COL6A5: variants seen among roughly 807,000 people sequenced by gnomAD.
The protein encoded by COL6A5 is collagen type VI alpha 5 chain.
In COL6A5, 48 loss-of-function variants were observed where a neutral mutation model predicts 65.6. That is an observed-to-expected ratio of 0.73 (90% CI 0.58 to 0.93). COL6A5 has a LOEUF of 0.93. Ranked by LOEUF, COL6A5 falls within the 40% of genes least tolerant of loss-of-function variation. The probability of loss-of-function intolerance (pLI) is 0.00; values close to 1 mark genes in which losing one functional copy is unlikely to be tolerated. For synonymous variants in COL6A5, 291 were observed against 322.8 expected (o/e 0.90, Z 1.05); for missense variants, 914 against 928.3 (o/e 0.98, Z 0.20).
intron 1 of COL6A5, among the ~76,000 whole-genome samples, chr3:130,349,831 T>C (rs771433971): frequency 6.6e-6 from 1 of 152,344 alleles, no homozygotes; most frequent in South Asian, 2.1e-4. Flanking sequence ...ATATTCCTTA[T>C]GTAAAATAAG....
chr3:130,432,274 G>T (rs1020688594), intron 1 of COL6A5, among the ~76,000 whole-genome samples: 1 of 152,154 alleles, frequency 6.6e-6, no homozygotes, highest in Admixed American at 6.5e-5. Flanking sequence ...GGAAACTGGG[G>T]CTGGGCGCGG....
At chr3:130,408,266 G>C (rs897364454) in intron 17 of COL6A5, among the ~76,000 whole-genome samples, 1 of 150,102 alleles carries the variant, frequency 6.7e-6, no homozygotes, top group African/African-American at 2.5e-5. Flanking sequence ...TGCATTCCCG[G>C]TGTGGGGGTG....
At chr3:130,454,350 A>G (rs73871011) in intron 4 of COL6A5, among the ~76,000 whole-genome samples, 1 of 152,174 alleles carries the variant, frequency 6.6e-6, no homozygotes, top group Non-Finnish European at 1.5e-5. Flanking sequence ...TCTCCACCAC[A>G]TATCTTCACC....
intron 5 of COL6A5, among the ~76,000 whole-genome samples, chr3:130,461,517 A>C (rs1243428035): frequency 6.6e-6 from 1 of 152,118 alleles, no homozygotes; most frequent in East Asian, 1.9e-4. Context: ...AACCTCACAC[A>C]AATTCATGTA....
intron 7 of COL6A5, 92 bp downstream of exon 40, chr3:130,472,018 G>A (rs150691970): frequency 4.1e-6 from 5 of 1,209,122 alleles, no homozygotes; most frequent in Non-Finnish European, 5.7e-6. Flanking sequence ...TTCACTGGGA[G>A]AGGTAGAGAT....
At chr3:130,378,831 G>A (rs1935879748) in intron 3 of COL6A5, among the ~76,000 whole-genome samples, 1 of 152,162 alleles carries the variant, frequency 6.6e-6, no homozygotes, top group African/African-American at 2.4e-5. Context: ...CTTAACCACA[G>A]TGTAGTCACT....
At chr3:130,388,518 T>C in intron 5 of COL6A5, 62 bp from the exon 6 acceptor site, 1 of 1,303,216 alleles carries the variant, frequency 7.7e-7, no homozygotes, top group East Asian at 2.5e-5. Flanking sequence ...TCTGCCTTAA[T>C]GTTACTTCAT....
chr3:130,471,072 T>TTTTG, intron 7 of COL6A5, 105 bp downstream of exon 39: 1 of 768,788 alleles, frequency 1.3e-6, no homozygotes, highest in Non-Finnish European at 2.2e-6. Context: ...AAGTGTGTGT[T>TTTTG]TTTGTGTGTG....
chr3:130,453,372 C>G, intron 4 of COL6A5, among the ~76,000 whole-genome samples: 1 of 152,132 alleles, frequency 6.6e-6, no homozygotes, highest in Non-Finnish European at 1.5e-5. Context: ...TTCAGCGGGT[C>G]CCTCCGTTTG....
intron 4 of COL6A5, among the ~76,000 whole-genome samples, chr3:130,383,370 T>C (rs942810035): frequency 1.1e-4 from 16 of 152,144 alleles, no homozygotes; most frequent in African/African-American, 3.9e-4. Context: ...TAGGCAGGGA[T>C]GAATGGGCAT....
chr3:130,421,448 G>A, intron 27 of COL6A5, 88 bp downstream of exon 27: 2 of 1,238,728 alleles, frequency 1.6e-6, no homozygotes, highest in Non-Finnish European at 2.3e-6. Context: ...AATGAAATGG[G>A]GACAATAAGG....
intron 25 of COL6A5, among the ~76,000 whole-genome samples, chr3:130,419,492 C>T (rs143514526): frequency 2.8e-4 from 43 of 151,874 alleles, no homozygotes; most frequent in African/African-American, 1.0e-3. Context: ...TCACAATAGC[C>T]AAGAAAATAT....
In COL6A5 at chr3:130,406,341, T is replaced by A. The variant is rs745486214; in HGVS notation, c.4479+20T>A. 9 of 1,533,402 alleles carry A rather than the reference T, an allele frequency of 5.9e-6. No individual in the cohort carries two copies. The highest frequency in any genetic ancestry group is 8.0e-6 in the Non-Finnish European group (9 of 1,130,852). The allele number at this position is 1,533,402 out of a possible 1,614,324, so 95.0% of individuals were successfully genotyped here. ...TCTCAGGTAACACTTTTCTTTTCAA[T>A]ACTTCAAAGAAGGAGAATTTGGTGA... On this transcript the variant is annotated intron_variant and NMD_transcript_variant, in intron 17 of 41. Transcript: ENST00000312481.
chr3:130,452,191 G>A (rs1709459047), intron 4 of COL6A5, among the ~76,000 whole-genome samples: 3 of 152,102 alleles, frequency 2.0e-5, no homozygotes, highest in African/African-American at 7.2e-5. Context: ...CACTTGTCAG[G>A]GAGTCGAACA....
chr3:130,364,409 A>G (rs1030608014), intron 1 of COL6A5, among the ~76,000 whole-genome samples: 2 of 152,224 alleles, frequency 1.3e-5, no homozygotes, highest in African/African-American at 4.8e-5. Context: ...AGAAGAAAAC[A>G]TGGTACCTTC....
At position 130,460,801 on chromosome 3, in the gene COL6A5, T is replaced by C. The variant is rs1236892680; in HGVS notation, c.1544+5135T>C. Among the ~76,000 whole-genome samples, 5 of 150,166 alleles carry C rather than the reference T, an allele frequency of 3.3e-5. No individual in the cohort carries two copies. The East Asian group carries it at 9.8e-4, about 29-fold the overall frequency. The stretch of plus-strand genomic sequence containing the variant: ...GGTGATGGAGATAAAAGTATGAAGG[T>C]GGGGTGGTGATGGTGGTAGTGATAA... On this transcript the variant is annotated intron_variant, in intron 5 of 7. Transcript: ENST00000512836.
intron 5 of COL6A5, among the ~76,000 whole-genome samples, chr3:130,460,562 C>A (rs555655098): frequency 3.3e-5 from 5 of 152,066 alleles, no homozygotes; most frequent in South Asian, 2.1e-4. Flanking sequence ...TGTTATGTGA[C>A]CCTTTCTAAT....
At chr3:130,389,246 T>G (rs990491360) in intron 6 of COL6A5, 112 bp downstream of exon 6, 12 of 641,332 alleles carry the variant, frequency 1.9e-5, no homozygotes, top group Non-Finnish European at 2.8e-5. Flanking sequence ...CAGTGTTAAG[T>G]TTTGGTCTTC....
chr3:130,406,114 C>T lies in COL6A5; in HGVS notation c.4381-17C>T. On this transcript the variant is annotated splice_polypyrimidine_tract_variant and intron_variant and NMD_transcript_variant, in intron 15 of 41. Coordinates refer to the COL6A5 transcript ENST00000312481. ...AGACCTGCTTTTACCTGATGCCTGT[C>T]TATTGTCATCTCTCAGGGAGGTCAT... 3.2e-6 allele frequency: 5 copies of T among 1,549,038 alleles called. No individual in the cohort carries two copies. In the Admixed American group the frequency reaches 5.9e-5, roughly 18 times the overall value.
Sources: gnomAD v4.1 joint callset for allele counts (sites outside exome capture counted in the v4.1 genomes callset) on GRCh38, gnomAD v4.1.1 for gene constraint, MANE v1.5 for transcripts, NCBI Gene and HGNC (gene_info 2026-07-23, HGNC 2026-07-21) for gene names.